Variants in HERC5 observed in about 807,000 individuals in gnomAD.
HERC5 encodes the protein HECT and RLD domain containing E3 ubiquitin protein ligase 5.
In HERC5, 99 loss-of-function variants were observed where a neutral mutation model predicts 119.6. The observed-to-expected ratio is 0.83, with a 90% confidence interval of 0.70 to 0.98. The LOEUF is 0.98. Ranked by LOEUF, HERC5 falls within the 50% of genes least tolerant of loss-of-function variation. The pLI, the probability that HERC5 is intolerant of heterozygous loss-of-function variation, is 0.00. For synonymous variants in HERC5, 478 were observed against 445.9 expected, an observed-to-expected ratio of 1.07 and a Z score of -0.91; for missense variants, 1,267 against 1,241.3, an observed-to-expected ratio of 1.02 and a Z score of -0.31.
In HERC5 at chr4:88,505,662, C is replaced by A; in HGVS notation, c.2870-11C>A. On this transcript the variant is annotated splice_polypyrimidine_tract_variant and intron_variant, in intron 22 of 22. Coordinates refer to ENST00000264350, the MANE Select transcript of HERC5 (RefSeq NM_016323.4). ...GTAAAACAGATTGCCTAATTTTATTCTTCTTTTTAGTATTTCTTACAGGAA... is the reference window on the plus strand; with the variant it reads ...GTAAAACAGATTGCCTAATTTTATTATTCTTTTTAGTATTTCTTACAGGAA... The A allele has an allele frequency of 2.1e-6, 3 of 1,457,452 alleles. No homozygotes were observed. Among genetic ancestry groups the A allele is most frequent in the South Asian group, 1.2e-5 (1 of 82,694 alleles). 90.3% of individuals were successfully genotyped at this position (1,457,452 alleles called of 1,614,324 possible). A position where few individuals can be genotyped will look rare whatever the true frequency, so the allele number is the denominator to read the frequency against.
chr4:88,474,063 T>C (rs1299612205), intron 11 of HERC5, among the ~76,000 whole-genome samples: 1 of 152,222 alleles, frequency 6.6e-6, no homozygotes, highest in Non-Finnish European at 1.5e-5. Context: ...TGCTGTGTGC[T>C]GGGCACTGTA....
Position 88,468,368 on chromosome 4 carries a change from G to A in HERC5, c.1080G>A (p.Glu360=). ...LKLESHTSEK[E]LIMIAGGNQS... Reference sequence around the variant, plus strand: ...CAGAAAGCCATACCTCAGAAAAGGAGTTAATAATGATTGCTGGAGGGAATC... The same window carrying A: ...CAGAAAGCCATACCTCAGAAAAGGAATTAATAATGATTGCTGGAGGGAATC... Residue 360 remains glutamate (E), a synonymous_variant, in exon 8 of 23, where the codon GAG becomes GAA. Transcript: ENST00000264350. 1 of 1,611,770 alleles carries A rather than the reference G, an allele frequency of 6.2e-7. No individual in the cohort carries two copies. Among genetic ancestry groups the A allele is most frequent in the Non-Finnish European group, 8.5e-7 (1 of 1,178,762 alleles).
chr4:88,469,394 T>A, intron 9 of HERC5, 134 bp downstream of exon 9: 1 of 684,946 alleles, frequency 1.5e-6, no homozygotes, highest in Non-Finnish European at 2.6e-6. Flanking sequence ...ATGTGTGTAT[T>A]TCTGTCTCTA....
chr4:88,476,709 T>A lies in HERC5; in HGVS notation c.1582+679T>A, dbSNP rs190358175. On this transcript the variant is annotated intron_variant, in intron 12 of 22. Coordinates refer to ENST00000264350, the MANE Select transcript of HERC5 (RefSeq NM_016323.4). The stretch of plus-strand genomic sequence containing the variant: ...GCTGAGGCAGGCAGATCACCTGAGG[T>A]CAGGAGTTCAAGACTAGCCTGGCCA... 3.1e-3 allele frequency among the ~76,000 whole-genome samples: 478 copies of A among 152,174 alleles called. 6 individuals are homozygous for A. Among genetic ancestry groups the A allele is most frequent in the African/African-American group, 0.011 (465 of 41,512 alleles).
chr4:88,486,151 T>C lies in HERC5; in HGVS notation c.1774T>C (p.Phe592Leu), dbSNP rs1741455600. Reference sequence around the variant, plus strand: ...GAAATGTCAACTACCTGAAAGTATTTTCCAAGTAGACGAACTCTTGCACCG... The same window carrying C: ...GAAATGTCAACTACCTGAAAGTATTCTCCAAGTAGACGAACTCTTGCACCG... ...QVKCQLPESI[F>L]QVDELLHRLN... The change falls in exon 14 of 23, where the codon TTC becomes CTC. Residue 592 changes from phenylalanine to leucine, a missense_variant. Around this residue, in one of 3 missense-constraint regions of HERC5, gnomAD observed 777 missense variants for 758.0 expected, o/e 1.03. Coordinates refer to ENST00000264350, the MANE Select transcript of HERC5 (RefSeq NM_016323.4). 1 of 1,612,310 alleles carries C rather than the reference T, an allele frequency of 6.2e-7. No individual in the cohort carries two copies. Among genetic ancestry groups the C allele is most frequent in the Non-Finnish European group, 8.5e-7 (1 of 1,179,036 alleles).
chr4:88,481,023 C>G (rs1317336905), intron 13 of HERC5, among the ~76,000 whole-genome samples: 1 of 152,006 alleles, frequency 6.6e-6, no homozygotes, highest in East Asian at 1.9e-4. Flanking sequence ...CTTTTTACTC[C>G]TTGTGTCTTG....
At chr4:88,490,251 A>C (rs900185198) in intron 16 of HERC5, among the ~76,000 whole-genome samples, 1 of 152,064 alleles carries the variant, frequency 6.6e-6, no homozygotes, top group African/African-American at 2.4e-5. Context: ...CCTTATACCT[A>C]ATTTTTTAAC....
At position 88,504,542 on chromosome 4, in the gene HERC5, G is replaced by C; in HGVS notation, c.2814G>C (p.Val938=). 2 of 1,576,444 alleles carry C rather than the reference G, an allele frequency of 1.3e-6. No homozygotes were observed. The highest frequency in any genetic ancestry group is 1.7e-6 in the Non-Finnish European group (2 of 1,164,780). ...ATAACAGTTCACATCCCACCATAGT[G>C]ATGTTTTGGAAGGCTTTCCACAAAT... ...PGYNSSHPTI[V]MFWKAFHKLT... The change falls in exon 22 of 23, where the codon GTG becomes GTC. Residue 938 remains valine, a synonymous_variant. Transcript: ENST00000264350.
chr4:88,489,291 TCA>T lies in HERC5; in HGVS notation c.2089_2090del (p.Gln697AlafsTer5). ...ATCACTTGATTGAGGATGTTTTGAA[TCA>T]GCTAAGTCAATTTGAGAATGAAGAC... is the stretch of plus-strand genomic sequence containing the variant. ...RNHLIEDVLN[Q>X]LSQFENEDLR... On this transcript the variant is annotated frameshift_variant, in exon 16 of 23. Transcript: ENST00000264350. LOFTEE classifies it high-confidence loss of function. The T allele has an allele frequency of 6.2e-7, 1 of 1,613,892 alleles. No homozygotes were observed. The highest frequency in any genetic ancestry group is 8.5e-7 in the Non-Finnish European group (1 of 1,179,910).
At chr4:88,491,661 A>G (rs1741642718) in intron 16 of HERC5, among the ~76,000 whole-genome samples, 1 of 152,148 alleles carries the variant, frequency 6.6e-6, no homozygotes, top group Non-Finnish European at 1.5e-5. Flanking sequence ...TTCTTCTTGG[A>G]GAGACCCATT....
At chr4:88,462,668 C>G (rs927189780) in intron 4 of HERC5, among the ~76,000 whole-genome samples, 26 of 152,206 alleles carry the variant, frequency 1.7e-4, no homozygotes, top group African/African-American at 5.8e-4. Flanking sequence ...AAACTTTTCT[C>G]TAGACCTCAT....
chr4:88,499,868 G>T, intron 18 of HERC5, 58 bp from the exon 19 acceptor site: 1 of 1,162,044 alleles, frequency 8.6e-7, no homozygotes, highest in Non-Finnish European at 1.3e-6. Flanking sequence ...TATTTTAGAT[G>T]CTGTGTCTAG....
At chr4:88,475,814 C>T in intron 11 of HERC5, 27 bp from the exon 12 acceptor site, 1 of 1,606,430 alleles carries the variant, frequency 6.2e-7, no homozygotes, top group Non-Finnish European at 8.5e-7. Context: ...TTTTGAATCC[C>T]TTTTCCCTGT....
At chr4:88,481,802 G>C (rs932722276) in intron 13 of HERC5, among the ~76,000 whole-genome samples, 1 of 152,168 alleles carries the variant, frequency 6.6e-6, no homozygotes, top group African/African-American at 2.4e-5. Flanking sequence ...GCTAGATTAG[G>C]TCTGCAAAAC....
intron 9 of HERC5, 65 bp downstream of exon 9, chr4:88,469,325 C>G (rs187093277): frequency 3.4e-5 from 36 of 1,064,298 alleles, no homozygotes; most frequent in East Asian, 1.2e-4. Context: ...CAAACTGGTT[C>G]TGCACAGCAA....
At chr4:88,477,222 AGAAAG>A (rs1261289812) in intron 12 of HERC5, among the ~76,000 whole-genome samples, 50 of 99,182 alleles carry the variant, frequency 5.0e-4, no homozygotes, top group African/African-American at 2.0e-3. Flanking sequence ...ATCAATCAAA[AGAAAG>A]GAAGGAAGGG....
intron 10 of HERC5, among the ~76,000 whole-genome samples, chr4:88,471,790 C>T (rs1197373077): frequency 2.6e-5 from 4 of 152,118 alleles, no homozygotes; most frequent in East Asian, 1.9e-4. Context: ...GTCCATTTAA[C>T]GGGAAGAAAT....
intron 9 of HERC5, among the ~76,000 whole-genome samples, chr4:88,469,897 G>GT (rs1380346981): frequency 2.0e-5 from 3 of 152,134 alleles, no homozygotes; most frequent in African/African-American, 7.2e-5. Context: ...CCAGGCCTCT[G>GT]TTTATGTATA....
At chr4:88,478,162 A>C (rs1362006275) in intron 12 of HERC5, among the ~76,000 whole-genome samples, 1 of 152,212 alleles carries the variant, frequency 6.6e-6, no homozygotes, top group Non-Finnish European at 1.5e-5. Flanking sequence ...GTACAATTGT[A>C]GCTCACTGTA....
Sources: allele counts gnomAD v4.1 joint callset (sites outside exome capture counted in the v4.1 genomes callset), GRCh38; gene constraint gnomAD v4.1.1; regional missense constraint gnomAD v4.1.1; transcripts MANE v1.5; gene names NCBI Gene and HGNC (gene_info 2026-07-23, HGNC 2026-07-21).